The following LYRM4 variants were observed in gnomAD, a reference collection of about 807,000 sequenced individuals.
LYRM4 encodes the protein LYR motif-containing protein 4.
LYRM4 carries 9 observed loss-of-function variants against 11.7 expected under a neutral mutation model. The ratio of observed to expected loss-of-function variants is 0.77; its 90% CI spans 0.46 to 1.34. LYRM4 has a LOEUF of 1.34. LYRM4 is among the 40% of genes most tolerant of loss of function. The probability of loss-of-function intolerance (pLI) is 0.00; values close to 1 mark genes in which losing one functional copy is unlikely to be tolerated. For synonymous variants in LYRM4, 42 were observed against 40.4 expected, an observed-to-expected ratio of 1.04 and a Z score of -0.15; for missense variants, 133 against 112.5, an observed-to-expected ratio of 1.18 and a Z score of -0.82.
At chr6:5,063,743 A>G in the LYRM4 span, among the ~76,000 whole-genome samples, 1 of 152,108 alleles carries the variant, frequency 6.6e-6, no homozygotes, top group Non-Finnish European at 1.5e-5. Flanking sequence ...ATCTCCCGGG[A>G]GCAGACTCAG....
the LYRM4 span, among the ~76,000 whole-genome samples, chr6:5,065,382 T>G: frequency 6.6e-6 from 1 of 152,286 alleles, no homozygotes; most frequent in South Asian, 2.1e-4. Flanking sequence ...AACAATTTCA[T>G]TCTGTAGTAC....
intron 2 of LYRM4, among the ~76,000 whole-genome samples, chr6:5,159,143 C>T (rs1007494020): frequency 3.3e-5 from 5 of 152,214 alleles, no homozygotes; most frequent in African/African-American, 9.6e-5. Flanking sequence ...CAGCAGCGAT[C>T]GTACTCTTCC....
the LYRM4 span, among the ~76,000 whole-genome samples, chr6:5,095,553 G>A: frequency 1.3e-5 from 2 of 152,160 alleles, no homozygotes; most frequent in African/African-American, 4.8e-5. Context: ...CACAAATGTA[G>A]GTTACAGTCT....
chr6:5,242,539 G>T (rs1412457623), intron 1 of LYRM4, among the ~76,000 whole-genome samples: 1 of 151,010 alleles, frequency 6.6e-6, no homozygotes, highest in Non-Finnish European at 1.5e-5. Context: ...GACCAACATG[G>T]TAAAACCCCC....
At chr6:5,143,277 T>A (rs770883112) in intron 2 of LYRM4, among the ~76,000 whole-genome samples, 1 of 152,130 alleles carries the variant, frequency 6.6e-6, no homozygotes, top group African/African-American at 2.4e-5. Context: ...GGATCAAATA[T>A]GCCTTCTGGC....
At chr6:5,038,462 C>A in the LYRM4 span, among the ~76,000 whole-genome samples, 1 of 68,512 alleles carries the variant, frequency 1.5e-5, no homozygotes, top group Non-Finnish European at 3.5e-5. Context: ...GGCAGAGACG[C>A]TCCCCACTTC....
the LYRM4 span, among the ~76,000 whole-genome samples, chr6:5,098,303 C>A: frequency 6.6e-6 from 1 of 152,224 alleles, no homozygotes; most frequent in Admixed American, 6.5e-5. Context: ...GTAGGGCAGG[C>A]CCAGCAGGCA....
chr6:5,246,825 T>C (rs1234805117), intron 1 of LYRM4, among the ~76,000 whole-genome samples: 1 of 151,860 alleles, frequency 6.6e-6, no homozygotes, highest in Non-Finnish European at 1.5e-5. Flanking sequence ...TGTCTGGTAC[T>C]TGGGAGAGGG....
At chr6:5,116,287 C>G (rs1353727478) in intron 2 of LYRM4, among the ~76,000 whole-genome samples, 2 of 152,074 alleles carry the variant, frequency 1.3e-5, no homozygotes, top group African/African-American at 4.8e-5. Flanking sequence ...TAAATTTGGC[C>G]CAGCAGAGGG....
chr6:5,228,530 G>A (rs959521989), intron 1 of LYRM4, among the ~76,000 whole-genome samples: 2 of 151,888 alleles, frequency 1.3e-5, no homozygotes, highest in Non-Finnish European at 2.9e-5. Flanking sequence ...CACCTGCCTT[G>A]GTCTCCCAAA....
intron 2 of LYRM4, among the ~76,000 whole-genome samples, chr6:5,110,934 T>C (rs1185914431): frequency 6.6e-6 from 1 of 152,168 alleles, no homozygotes; most frequent in Non-Finnish European, 1.5e-5. Context: ...TCGGAAATCA[T>C]CTTGAGGGCT....
the LYRM4 span, among the ~76,000 whole-genome samples, chr6:5,080,054 A>C: frequency 6.6e-6 from 1 of 152,242 alleles, no homozygotes; most frequent in Non-Finnish European, 1.5e-5. Context: ...TGAATTCTAA[A>C]ACTTGGAAAT....
intron 2 of LYRM4, among the ~76,000 whole-genome samples, chr6:5,161,328 C>T (rs1269515713): frequency 2.0e-5 from 3 of 152,038 alleles, no homozygotes; most frequent in Admixed American, 6.6e-5. Context: ...AATGCAAAAA[C>T]CTATTAGCTA....
At chr6:5,256,073 G>A (rs1441342574) in intron 1 of LYRM4, among the ~76,000 whole-genome samples, 3 of 151,866 alleles carry the variant, frequency 2.0e-5, no homozygotes, top group Admixed American at 6.6e-5. Context: ...CCAAAAGGTT[G>A]GTCATGCCAA....
At chr6:5,055,642 A>G in the LYRM4 span, among the ~76,000 whole-genome samples, 4 of 152,162 alleles carry the variant, frequency 2.6e-5, no homozygotes, top group African/African-American at 9.6e-5. The surrounding 1 kb of genome is among the most constrained non-coding windows in gnomAD (Gnocchi z 4.5). Context: ...CTTGACTGGT[A>G]TCTCCAGACT....
At chr6:5,209,103 A>G (rs1761855648) in intron 2 of LYRM4, among the ~76,000 whole-genome samples, 1 of 151,906 alleles carries the variant, frequency 6.6e-6, no homozygotes, top group Non-Finnish European at 1.5e-5. Context: ...TTTTATTACT[A>G]TTATTTTTGA....
chr6:5,057,725 G>GAA, the LYRM4 span, among the ~76,000 whole-genome samples: 1 of 134,572 alleles, frequency 7.4e-6, no homozygotes. Flanking sequence ...AAAAAAAAAA[G>GAA]AAAAAAAAAA....
At chr6:5,181,531 A>T (rs1166265790) in intron 2 of LYRM4, among the ~76,000 whole-genome samples, 2 of 152,086 alleles carry the variant, frequency 1.3e-5, no homozygotes, top group Non-Finnish European at 2.9e-5. Flanking sequence ...CATTCCCTAG[A>T]TTTTCAAATG....
At chr6:5,048,876 G>A in the LYRM4 span, among the ~76,000 whole-genome samples, 10 of 152,282 alleles carry the variant, frequency 6.6e-5, no homozygotes, top group African/African-American at 2.4e-4. Context: ...GTTCCTCTGA[G>A]CTTGTGGGAC....
Sources: gnomAD v4.1 joint callset for allele counts (sites outside exome capture counted in the v4.1 genomes callset) on GRCh38, gnomAD v4.1.1 for gene constraint, Gnocchi (gnomAD v3.1) non-coding constraint, MANE v1.5 for transcripts, NCBI Gene and HGNC (gene_info 2026-07-23, HGNC 2026-07-21) for gene names.